The following ADORA2B variants were observed in gnomAD, a reference collection of about 807,000 sequenced individuals.
The protein encoded by ADORA2B is adenosine receptor A2b.
A neutral mutation model predicts 20.8 loss-of-function variants in ADORA2B; 18 were observed. The ratio of observed to expected loss-of-function variants is 0.87; its 90% CI spans 0.60 to 1.29. The LOEUF is 1.29. Among genes scored for constraint, ADORA2B ranks in the 50% most tolerant of loss-of-function variants. ADORA2B has a pLI of 0.00. For synonymous variants in ADORA2B, 179 were observed against 178.3 expected, an observed-to-expected ratio of 1.00 and a Z score of -0.03; for missense variants, 441 against 422.7, an observed-to-expected ratio of 1.04 and a Z score of -0.38.
chr17:15,867,221 G>A, the ADORA2B span, among the ~76,000 whole-genome samples: 1 of 151,878 alleles, frequency 6.6e-6, no homozygotes. Context: ...TCTGGGAAGT[G>A]AGGAGCATCT....
the ADORA2B span, among the ~76,000 whole-genome samples, chr17:15,934,838 GC>G: frequency 1.6e-4 from 24 of 151,828 alleles, no homozygotes; most frequent in Non-Finnish European, 2.8e-4. Flanking sequence ...ACAGAGTCTC[GC>G]CCTGTTGCCC....
At chr17:15,862,211 C>CTTTTTTTT in the ADORA2B span, among the ~76,000 whole-genome samples, 7 of 96,290 alleles carry the variant, frequency 7.3e-5, no homozygotes, top group Non-Finnish European at 1.1e-4. Flanking sequence ...CTTTTCTTTT[C>CTTTTTTTT]TTTTTTTTTT....
In ADORA2B at chr17:15,957,145, A is replaced by G. The variant is rs575831964; in HGVS notation, c.335+11562A>G. On this transcript the variant is annotated intron_variant, in intron 1 of 1. Coordinates refer to ENST00000304222, the MANE Select transcript of ADORA2B (RefSeq NM_000676.4). ...GGCCATGGAGATGGCAGCAGACTCTACAGATATTGGAGACTCGTAGAACCA... is the reference window on the plus strand; with the variant it reads ...GGCCATGGAGATGGCAGCAGACTCTGCAGATATTGGAGACTCGTAGAACCA... 7.9e-5 allele frequency among the ~76,000 whole-genome samples: 12 copies of G among 152,356 alleles called. 1 individual carries two copies. In the South Asian group the frequency reaches 1.9e-3, roughly 24 times the overall value.
intron 1 of ADORA2B, among the ~76,000 whole-genome samples, chr17:15,950,899 C>T (rs1474588393): frequency 6.6e-6 from 1 of 152,262 alleles, no homozygotes; most frequent in Non-Finnish European, 1.5e-5. Context: ...ACCGCCATCT[C>T]TAGTTATCCC....
chr17:15,879,623 C>T, the ADORA2B span, among the ~76,000 whole-genome samples: 12,762 of 146,252 alleles, frequency 0.087, 1,676 homozygotes, highest in African/African-American at 0.3. Flanking sequence ...CTGCAAGCTC[C>T]GCCTCCTGGG....
chr17:15,974,687 G>T lies in ADORA2B; in HGVS notation c.344G>T (p.Ser115Ile), dbSNP rs778534815. The T allele has an allele frequency of 6.2e-7, 1 of 1,612,858 alleles. No homozygotes were observed. The highest frequency in any genetic ancestry group is 1.3e-5 in the African/African-American group (1 of 74,886). ...LAICVPLRYK[S>I]LVTGTRARGV... ...GGTATTCTTTTAAACAGGTATAAAA[G>T]TTTGGTCACGGGGACCCGAGCAAGA... Residue 115 changes from serine (S) to isoleucine (I), a missense_variant, in exon 2 of 2, where the codon AGT becomes ATT. Transcript: ENST00000304222.
the ADORA2B span, among the ~76,000 whole-genome samples, chr17:15,917,546 T>G: frequency 2.6e-5 from 4 of 152,178 alleles, no homozygotes; most frequent in South Asian, 2.1e-4. Flanking sequence ...CCCTTCCCCC[T>G]GCCCAGCCCT....
At chr17:15,876,608 T>TC in the ADORA2B span, among the ~76,000 whole-genome samples, 1 of 152,072 alleles carries the variant, frequency 6.6e-6, no homozygotes, top group South Asian at 2.1e-4. Context: ...CATATTTTTT[T>TC]CTCCTGTTTT....
chr17:15,945,013 G>T, upstream of ADORA2B: 1 of 301,764 alleles, frequency 3.3e-6, no homozygotes, highest in Non-Finnish European at 6.0e-6. Context: ...CGGGCGAGTG[G>T]GTGGTGCTCC....
At chr17:15,881,398 G>A in the ADORA2B span, among the ~76,000 whole-genome samples, 1 of 152,180 alleles carries the variant, frequency 6.6e-6, no homozygotes, top group Non-Finnish European at 1.5e-5. Flanking sequence ...ACCACGCCCG[G>A]CCTCTTTATT....
the ADORA2B span, among the ~76,000 whole-genome samples, chr17:15,893,133 T>C: frequency 6.6e-6 from 1 of 152,216 alleles, no homozygotes; most frequent in South Asian, 2.1e-4. Flanking sequence ...TTTTGCTGCA[T>C]TGAGGGAAAT....
the ADORA2B span, among the ~76,000 whole-genome samples, chr17:15,912,144 G>A: frequency 6.6e-6 from 1 of 151,726 alleles, no homozygotes; most frequent in East Asian, 1.9e-4. Flanking sequence ...GAACCTGGGA[G>A]GTGGAGGTTG....
chr17:15,862,276 C>T, the ADORA2B span, among the ~76,000 whole-genome samples: 2 of 134,046 alleles, frequency 1.5e-5, no homozygotes, highest in African/African-American at 5.8e-5. Flanking sequence ...AGTACAGTGG[C>T]GTGATCTGGG....
At chr17:15,851,058 A>G in the ADORA2B span, among the ~76,000 whole-genome samples, 1 of 152,226 alleles carries the variant, frequency 6.6e-6, no homozygotes, top group South Asian at 2.1e-4. Context: ...TATAATACAC[A>G]TCAATTTATA....
the ADORA2B span, among the ~76,000 whole-genome samples, chr17:15,876,232 C>T: frequency 2.6e-5 from 4 of 152,114 alleles, no homozygotes; most frequent in African/African-American, 7.2e-5. Context: ...AGGTCAGCAA[C>T]TATTTCCCTT....
the ADORA2B span, among the ~76,000 whole-genome samples, chr17:15,924,158 C>T: frequency 6.6e-6 from 1 of 151,956 alleles, no homozygotes; most frequent in Non-Finnish European, 1.5e-5. Flanking sequence ...GGTGATCCAC[C>T]CGCCTTGGCC....
chr17:15,939,764 G>C, the ADORA2B span, among the ~76,000 whole-genome samples: 1 of 151,428 alleles, frequency 6.6e-6, no homozygotes, highest in African/African-American at 2.4e-5. Context: ...GGGAGGCTGA[G>C]GCAGGAGAAT....
At chr17:15,858,235 G>A in the ADORA2B span, among the ~76,000 whole-genome samples, 1 of 152,020 alleles carries the variant, frequency 6.6e-6, no homozygotes, top group Admixed American at 6.6e-5. Context: ...CAGTGCACAA[G>A]GGTTTCTCTG....
rs376533062 is a variant in ADORA2B, at chr17:15,964,832, T to G, written c.336-9847T>G. On this transcript the variant is annotated intron_variant, in intron 1 of 1. Coordinates refer to ENST00000304222, the MANE Select transcript of ADORA2B (RefSeq NM_000676.4). ...ACCCCAGCACTTTGGGAGGCCAAGG[T>G]GGGCGAATCACGAGGTCAGGAGATC... Among the ~76,000 whole-genome samples, 11 of 150,342 alleles carry G rather than the reference T, an allele frequency of 7.3e-5. No individual in the cohort carries two copies. The East Asian group carries it at 2.2e-3, about 29-fold the overall frequency.
Sources: gnomAD v4.1 joint callset for allele counts (sites outside exome capture counted in the v4.1 genomes callset) on GRCh38, gnomAD v4.1.1 for gene constraint, MANE v1.5 for transcripts, NCBI Gene and HGNC (gene_info 2026-07-23, HGNC 2026-07-21) for gene names.